Variants in ECT2 observed in about 807,000 individuals in gnomAD.
ECT2 encodes the protein epithelial cell transforming 2, also known as protein ECT2.
A neutral mutation model predicts 116.9 loss-of-function variants in ECT2; 61 were observed. The ratio of observed to expected loss-of-function variants is 0.52; its 90% confidence interval spans 0.42 to 0.65. The LOEUF is 0.65. ECT2 is among the 30% of genes least tolerant of loss of function. ECT2 has a pLI of 0.00. For missense variants in ECT2, 937 were observed against 1,078.7 expected (o/e 0.87, Z 1.84); for synonymous variants, 358 against 346.4 (o/e 1.03, Z -0.37).
At chr3:172,793,040 A>C (rs1176403263) in intron 18 of ECT2, among the ~76,000 whole-genome samples, 1 of 152,062 alleles carries the variant, frequency 6.6e-6, no homozygotes, top group Non-Finnish European at 1.5e-5. Context: ...TTTCTAAGAA[A>C]CTGCCAAACT....
At position 172,782,038 on chromosome 3, in the gene ECT2, A is replaced by G. The variant is rs192489725; in HGVS notation, c.1549-125A>G. 1.9e-4 allele frequency: 85 copies of G among 442,148 alleles called. 1 individual carries two copies. In the East Asian group the frequency reaches 2.6e-3, roughly 13 times the overall value. The allele number at this position is 442,148 out of a possible 1,614,324, so 27.4% of individuals were successfully genotyped here. A position where few individuals can be genotyped will look rare whatever the true frequency, so the allele number is the denominator to read the frequency against. ...GAAGAGAAAGAATGGGATGTTCATT[A>G]TTTTACACATCAAATTAAGACACTT... On this transcript the variant is annotated intron_variant, in intron 14 of 24. Coordinates refer to ENST00000392692, the MANE Select transcript of ECT2 (RefSeq NM_001258315.2).
chr3:172,821,876 CAGGT>C (rs1229605757), downstream of ECT2, among the ~76,000 whole-genome samples: 1 of 151,692 alleles, frequency 6.6e-6, no homozygotes, highest in Non-Finnish European at 1.5e-5. Context: ...CAAAATATAG[CAGGT>C]AGTTAATTTT....
In ECT2 at chr3:172,820,620, T is replaced by C. The variant is rs779435356; in HGVS notation, c.*383T>C. 1 of 154,722 alleles carries C rather than the reference T, an allele frequency of 6.5e-6. No individual in the cohort carries two copies. The highest frequency in any genetic ancestry group is 6.5e-5 in the Admixed American group (1 of 15,372). The allele number at this position is 154,722 out of a possible 1,614,324, so 9.6% of individuals were successfully genotyped here. A position where few individuals can be genotyped will look rare whatever the true frequency, so the allele number is the denominator to read the frequency against. On this transcript the variant is annotated 3_prime_UTR_variant, in exon 25 of 25. Coordinates refer to ENST00000392692, the MANE Select transcript of ECT2 (RefSeq NM_001258315.2). ...GTATCCATGAATGAATTTATGGAAA[T>C]AGATATTTGTGCAGCTCAATTTATG...
chr3:172,795,083 A>G (rs1216006949), intron 18 of ECT2, among the ~76,000 whole-genome samples: 1 of 151,958 alleles, frequency 6.6e-6, no homozygotes, highest in African/African-American at 2.4e-5. Flanking sequence ...TTTCAACTAT[A>G]TTTCGTGGTT....
chr3:172,800,619 T>C (rs1257534485), intron 18 of ECT2, among the ~76,000 whole-genome samples: 1 of 152,202 alleles, frequency 6.6e-6, no homozygotes, highest in Non-Finnish European at 1.5e-5. Flanking sequence ...ATCTTCAATT[T>C]TACTAAGCTT....
chr3:172,770,500 T>C (rs1173775087), intron 13 of ECT2, among the ~76,000 whole-genome samples: 2 of 152,166 alleles, frequency 1.3e-5, no homozygotes, highest in Non-Finnish European at 2.9e-5. Flanking sequence ...TAGTATTCTC[T>C]CCTTAAAAAA....
chr3:172,796,093 A>G (rs1243732667), intron 18 of ECT2, among the ~76,000 whole-genome samples: 1 of 152,238 alleles, frequency 6.6e-6, no homozygotes, highest in Non-Finnish European at 1.5e-5. Flanking sequence ...TTTTAGTTAA[A>G]TAATAATTTT....
At chr3:172,824,904 G>A (rs1392901442), downstream of ECT2, among the ~76,000 whole-genome samples, 3 of 152,180 alleles carry the variant, frequency 2.0e-5, no homozygotes. Flanking sequence ...AAAACTACAT[G>A]TGGGATTACT....
At chr3:172,763,607 G>A (rs769356382) in intron 11 of ECT2, among the ~76,000 whole-genome samples, 28 of 152,138 alleles carry the variant, frequency 1.8e-4, no homozygotes, top group Non-Finnish European at 3.8e-4. Context: ...GGGGAGAGAC[G>A]TCATTAAAAA....
At chr3:172,788,760 T>C (rs1413746961) in intron 18 of ECT2, among the ~76,000 whole-genome samples, 1 of 152,222 alleles carries the variant, frequency 6.6e-6, no homozygotes, top group Non-Finnish European at 1.5e-5. Flanking sequence ...GAAAAATTAT[T>C]GTTAAAAAAT....
At chr3:172,767,768 T>G (rs1034793833) in intron 12 of ECT2, among the ~76,000 whole-genome samples, 1 of 150,192 alleles carries the variant, frequency 6.7e-6, no homozygotes, top group African/African-American at 2.5e-5. Context: ...CAGGCTGGAG[T>G]GTGGTGGCGT....
intron 24 of ECT2, chr3:172,818,878 C>T (rs1730250289): frequency 8.8e-7 from 1 of 1,132,662 alleles, no homozygotes; most frequent in Non-Finnish European, 1.1e-6. Flanking sequence ...TATTTTTTCT[C>T]CAAGGAATCA....
Position 172,762,909 on chromosome 3 carries a change from G to C in ECT2, c.1006-1G>C, listed in dbSNP as rs1262013708. 1 of 1,613,710 alleles carries C rather than the reference G, an allele frequency of 6.2e-7. No individual in the cohort carries two copies. On this transcript the variant is annotated splice_acceptor_variant, in intron 10 of 24. Transcript: ENST00000392692. LOFTEE classifies it high-confidence loss of function. ...ATTAAAATGTTTTTTCTCTCACCTA[G>C]TGGTTCTGGGGAAGCATTCAAATGG...
chr3:172,814,382 AT>A (rs920062980), intron 22 of ECT2, among the ~76,000 whole-genome samples: 28 of 152,146 alleles, frequency 1.8e-4, no homozygotes, highest in African/African-American at 6.7e-4. Context: ...AATAGAAAAA[AT>A]TTTCAGAAGA....
chr3:172,806,001 T>A, intron 21 of ECT2, 132 bp downstream of exon 21: 1 of 947,366 alleles, frequency 1.1e-6, no homozygotes, highest in Non-Finnish European at 1.5e-6. Context: ...GCTAAAGTAA[T>A]TGTTCTTGCA....
At chr3:172,782,765 C>G (rs981080359) in intron 15 of ECT2, among the ~76,000 whole-genome samples, 1 of 152,084 alleles carries the variant, frequency 6.6e-6, no homozygotes, top group South Asian at 2.1e-4. Flanking sequence ...CATTTTGCTC[C>G]CACTTATAAG....
At chr3:172,754,463 C>T in intron 1 of ECT2, 46 bp from the exon 2 acceptor site, 1 of 1,379,134 alleles carries the variant, frequency 7.3e-7, no homozygotes, top group Non-Finnish European at 9.7e-7. Flanking sequence ...TTACTTTTGC[C>T]CAATGACCAT....
Position 172,755,556 on chromosome 3 carries a change from TA to T in ECT2, c.289del (p.Ser97ValfsTer12). The T allele has an allele frequency of 6.8e-7, 1 of 1,461,478 alleles. No individual in the cohort carries two copies. The allele number at this position is 1,461,478 out of a possible 1,614,324, so 90.5% of individuals were successfully genotyped here. A position where few individuals can be genotyped will look rare whatever the true frequency, so the allele number is the denominator to read the frequency against. On this transcript the variant is annotated frameshift_variant, in exon 4 of 25. Transcript: ENST00000392692. LOFTEE classifies it high-confidence loss of function. ...CCTGGAAAATCGGATGAAAAATTAA[TA>T]AAAAGTGTTATTAATATGGTAGGTC... is the stretch of plus-strand genomic sequence containing the variant. ...SCPGKSDEKL[I>X]KSVINMDIKV...
At chr3:172,764,523 TGTC>T (rs1251032434) in intron 12 of ECT2, 23 bp downstream of exon 12, 2 of 1,594,160 alleles carry the variant, frequency 1.3e-6, no homozygotes, top group African/African-American at 2.7e-5. Flanking sequence ...CTTAAAAACT[TGTC>T]TTTAAAGTTT....
Sources: allele counts gnomAD v4.1 joint callset (sites outside exome capture counted in the v4.1 genomes callset), GRCh38; gene constraint gnomAD v4.1.1; transcripts MANE v1.5; gene names NCBI Gene and HGNC (gene_info 2026-07-23, HGNC 2026-07-21).